GRAMD1B: variants seen among roughly 807,000 people sequenced by gnomAD.
GRAMD1B encodes the protein protein Aster-B.
In GRAMD1B, 37 loss-of-function variants were observed where a neutral mutation model predicts 99.7. The ratio of observed to expected loss-of-function variants is 0.37; its 90% confidence interval spans 0.29 to 0.49. GRAMD1B has a LOEUF of 0.49. GRAMD1B is among the 20% of genes least tolerant of loss of function. GRAMD1B has a pLI of 0.98. For missense variants in GRAMD1B, 888 were observed against 1,009.2 expected (o/e 0.88, Z 1.63); for synonymous variants, 427 against 387.6 (o/e 1.10, Z -1.19).
At chr11:123,410,521 T>C (rs1407062116) in intron 1 of GRAMD1B, among the ~76,000 whole-genome samples, 1 of 152,070 alleles carries the variant, frequency 6.6e-6, no homozygotes, top group African/African-American at 2.4e-5. Flanking sequence ...GAGTCCCACC[T>C]GCAGAATCAC....
At chr11:123,598,909 G>A (rs1951613547) in intron 7 of GRAMD1B, 2 of 1,190,810 alleles carry the variant, frequency 1.7e-6, no homozygotes, top group Admixed American at 1.7e-5. Flanking sequence ...TATCTCTTAT[G>A]CTCTGCATTC....
At chr11:123,495,170 G>A (rs1196698347) in intron 2 of GRAMD1B, among the ~76,000 whole-genome samples, 1 of 151,292 alleles carries the variant, frequency 6.6e-6, no homozygotes, top group East Asian at 1.9e-4. Flanking sequence ...TAAATTATGT[G>A]TGTACTTCTG....
chr11:123,536,243 C>A (rs1341101506), intron 2 of GRAMD1B, among the ~76,000 whole-genome samples: 1 of 152,040 alleles, frequency 6.6e-6, no homozygotes, highest in Non-Finnish European at 1.5e-5. Flanking sequence ...GGTGAAACCC[C>A]ATCTCTACCA....
At chr11:123,509,151 C>T (rs915790656) in intron 2 of GRAMD1B, among the ~76,000 whole-genome samples, 1 of 152,056 alleles carries the variant, frequency 6.6e-6, no homozygotes, top group African/African-American at 2.4e-5. Context: ...AGGGTAAAGT[C>T]TACATGGAAA....
chr11:123,612,948 T>C (rs572530299), intron 15 of GRAMD1B, 84 bp downstream of exon 15: 1 of 754,696 alleles, frequency 1.3e-6, no homozygotes, highest in Non-Finnish European at 2.3e-6. Context: ...GGGAATGGTA[T>C]TGAGAATAGA....
chr11:123,472,484 G>C (rs145973310), intron 1 of GRAMD1B, among the ~76,000 whole-genome samples: 3 of 152,192 alleles, frequency 2.0e-5, no homozygotes, highest in South Asian at 4.1e-4. Flanking sequence ...CCCAAGGTTC[G>C]TCATCTCATG....
chr11:123,448,368 T>C (rs1389852635), intron 1 of GRAMD1B, among the ~76,000 whole-genome samples: 6 of 151,924 alleles, frequency 3.9e-5, no homozygotes, highest in Admixed American at 1.3e-4. Context: ...TTCTCGTGTG[T>C]GCCACCACAC....
At chr11:123,473,785 A>T (rs1270934562) in intron 1 of GRAMD1B, among the ~76,000 whole-genome samples, 1 of 152,142 alleles carries the variant, frequency 6.6e-6, no homozygotes, top group Admixed American at 6.6e-5. Context: ...GTGTTTGAGG[A>T]TATTGAGGGA....
intron 1 of GRAMD1B, among the ~76,000 whole-genome samples, chr11:123,383,207 T>G (rs1327281427): frequency 1.0e-4 from 5 of 48,762 alleles, no homozygotes. Flanking sequence ...AGAGTCTTGC[T>G]CTCTCTCTCT....
chr11:123,428,651 A>G (rs1948737999), upstream of GRAMD1B, among the ~76,000 whole-genome samples: 1 of 152,242 alleles, frequency 6.6e-6, no homozygotes, highest in South Asian at 2.1e-4. Flanking sequence ...ATCCATAGCC[A>G]GCTGTCATCC....
intron 1 of GRAMD1B, among the ~76,000 whole-genome samples, chr11:123,470,299 A>T (rs922569812): frequency 6.6e-6 from 1 of 152,180 alleles, no homozygotes; most frequent in African/African-American, 2.4e-5. Flanking sequence ...ACCATTTCTT[A>T]TTTAGAAGAC....
rs1044424841 is a variant in GRAMD1B, at chr11:123,613,711, C to T, written c.2227+53C>T. 2.9e-6 allele frequency: 4 copies of T among 1,359,432 alleles called. No individual in the cohort carries two copies. In the Admixed American group the frequency reaches 5.2e-5, roughly 18 times the overall value. The allele number at this position is 1,359,432 out of a possible 1,614,324, so 84.2% of individuals were successfully genotyped here. ...TGGACTAAGCTTTGGGCTGGAGCTGCATGCCCACACCAAGGCACACACATG... is the reference window on the plus strand; with the variant it reads ...TGGACTAAGCTTTGGGCTGGAGCTGTATGCCCACACCAAGGCACACACATG... On this transcript the variant is annotated intron_variant, in intron 16 of 19. Coordinates refer to ENST00000635736, the MANE Select transcript of GRAMD1B (RefSeq NM_001387025.1).
intron 2 of GRAMD1B, among the ~76,000 whole-genome samples, chr11:123,534,656 A>G (rs1033390893): frequency 6.6e-6 from 1 of 152,060 alleles, no homozygotes; most frequent in African/African-American, 2.4e-5. Context: ...TGAGGTCAGG[A>G]GTTTGAGACC....
At chr11:123,387,243 G>T (rs1947095603) in intron 1 of GRAMD1B, among the ~76,000 whole-genome samples, 1 of 152,136 alleles carries the variant, frequency 6.6e-6, no homozygotes, top group South Asian at 2.1e-4. Context: ...AATGGCTCTG[G>T]ATGTGAAGTA....
At position 123,624,250 on chromosome 11, in the gene GRAMD1B, CAGA is replaced by C. The variant is rs1955372084; in HGVS notation, c.*1659_*1661del. 1 of 152,204 alleles carries C rather than the reference CAGA, an allele frequency of 6.6e-6. No individual in the cohort carries two copies. 9.4% of individuals were successfully genotyped at this position (152,204 alleles called of 1,614,324 possible). On this transcript the variant is annotated 3_prime_UTR_variant, in exon 20 of 20. Coordinates refer to ENST00000635736, the MANE Select transcript of GRAMD1B (RefSeq NM_001387025.1). ...TGTCCCAGAACATCAGCCCAAAAGA[CAGA>C]AGATTTTATCACTCATCTACCCCAA...
At chr11:123,538,594 A>G (rs1249840245) in intron 2 of GRAMD1B, among the ~76,000 whole-genome samples, 1 of 151,748 alleles carries the variant, frequency 6.6e-6, no homozygotes, top group East Asian at 1.9e-4. Flanking sequence ...ATTTCTGTAG[A>G]TTTCCCTATT....
At chr11:123,564,619 T>C (rs1385320255) in intron 2 of GRAMD1B, among the ~76,000 whole-genome samples, 1 of 152,178 alleles carries the variant, frequency 6.6e-6, no homozygotes, top group Non-Finnish European at 1.5e-5. Flanking sequence ...TTTCTTAGAG[T>C]CAGGGACAGT....
At chr11:123,498,585 G>T (rs899846242) in intron 2 of GRAMD1B, among the ~76,000 whole-genome samples, 2 of 152,146 alleles carry the variant, frequency 1.3e-5, no homozygotes, top group Admixed American at 1.3e-4. Context: ...TCTTATAGGG[G>T]CAATGAATGG....
intron 2 of GRAMD1B, among the ~76,000 whole-genome samples, chr11:123,507,986 G>A (rs924917021): frequency 2.6e-5 from 4 of 152,174 alleles, no homozygotes; most frequent in Admixed American, 2.6e-4. Flanking sequence ...CCTTGGATGA[G>A]TTGCTTAAAG....
Sources: gnomAD v4.1 joint callset for allele counts (sites outside exome capture counted in the v4.1 genomes callset) on GRCh38, gnomAD v4.1.1 for gene constraint, MANE v1.5 for transcripts, NCBI Gene and HGNC (gene_info 2026-07-23, HGNC 2026-07-21) for gene names.